The following MAF variants were observed in gnomAD, a reference collection of about 807,000 sequenced individuals.
MAF encodes the protein transcription factor Maf.
MAF carries 10 observed loss-of-function variants against 22.0 expected under a neutral mutation model. That is an observed-to-expected ratio of 0.45 (90% CI 0.28 to 0.77). The LOEUF is 0.77. Ranked by LOEUF, MAF falls within the 30% of genes least tolerant of loss-of-function variation. MAF has a pLI of 0.12. For missense variants in MAF, 544 were observed against 548.4 expected (o/e 0.99, Z 0.08); for synonymous variants, 337 against 255.8 (o/e 1.32, Z -3.03).
the MAF span, among the ~76,000 whole-genome samples, chr16:79,295,725 G>A: frequency 0.025 from 3,746 of 152,326 alleles, 148 homozygotes; most frequent in African/African-American, 0.085. Context: ...CTGGGCAGTG[G>A]CAGAGACCCT....
At chr16:79,228,051 GCAC>G in the MAF span, among the ~76,000 whole-genome samples, 2 of 151,950 alleles carry the variant, frequency 1.3e-5, no homozygotes, top group Non-Finnish European at 2.9e-5. Context: ...CTATAGGCAC[GCAC>G]CACCACACGC....
At chr16:79,286,600 A>G in the MAF span, among the ~76,000 whole-genome samples, 4 of 152,292 alleles carry the variant, frequency 2.6e-5, no homozygotes, top group Admixed American at 2.0e-4. Context: ...CACTTTTTTC[A>G]GCATAGGCAA....
chr16:79,364,310 T>A, the MAF span, among the ~76,000 whole-genome samples: 1 of 152,104 alleles, frequency 6.6e-6, no homozygotes, highest in Non-Finnish European at 1.5e-5. Flanking sequence ...ACAACAAAGT[T>A]GGGGGACCAA....
At chr16:79,310,016 G>T in the MAF span, among the ~76,000 whole-genome samples, 1 of 152,196 alleles carries the variant, frequency 6.6e-6, no homozygotes, top group African/African-American at 2.4e-5. Flanking sequence ...CACATGGCAA[G>T]CAGCGGTCAG....
At chr16:79,225,519 G>A in the MAF span, among the ~76,000 whole-genome samples, 1 of 152,170 alleles carries the variant, frequency 6.6e-6, no homozygotes. Context: ...AGCCAAAATT[G>A]AGAAATGGGA....
At chr16:79,547,904 G>GAGAGGGAGAGAC in the MAF span, among the ~76,000 whole-genome samples, 1 of 134,992 alleles carries the variant, frequency 7.4e-6, no homozygotes, top group South Asian at 2.7e-4. Context: ...GTGTGTGTGA[G>GAGAGGGAGAGAC]AGAGAGAGAG....
chr16:79,387,645 C>G, the MAF span, among the ~76,000 whole-genome samples: 1 of 152,068 alleles, frequency 6.6e-6, no homozygotes, highest in Non-Finnish European at 1.5e-5. Flanking sequence ...ATGAACTGTA[C>G]CTGCCTAGAC....
At chr16:79,463,994 A>G in the MAF span, among the ~76,000 whole-genome samples, 1 of 152,068 alleles carries the variant, frequency 6.6e-6, no homozygotes, top group African/African-American at 2.4e-5. Context: ...ACGGACGATA[A>G]AAAGGGCTTT....
the MAF span, among the ~76,000 whole-genome samples, chr16:79,214,572 A>C: frequency 1.3e-5 from 2 of 151,462 alleles, no homozygotes; most frequent in South Asian, 4.2e-4. Context: ...CACCTGGCTA[A>C]TTTTTCATAT....
the MAF span, among the ~76,000 whole-genome samples, chr16:79,431,774 G>A: frequency 5.2e-4 from 79 of 152,320 alleles, no homozygotes; most frequent in Non-Finnish European, 8.8e-4. Flanking sequence ...AGAGAAACAT[G>A]ATTTTCTGGT....
chr16:79,280,876 T>C, the MAF span, among the ~76,000 whole-genome samples: 1 of 152,228 alleles, frequency 6.6e-6, no homozygotes, highest in Admixed American at 6.5e-5. Flanking sequence ...GATTCCTTAT[T>C]GAGTATGAAT....
chr16:79,257,342 C>T, the MAF span, among the ~76,000 whole-genome samples: 2 of 152,120 alleles, frequency 1.3e-5, no homozygotes, highest in African/African-American at 2.4e-5. Flanking sequence ...TCTTTCTCTA[C>T]TAGCTTTGCT....
At chr16:79,337,661 T>C in the MAF span, among the ~76,000 whole-genome samples, 2 of 152,192 alleles carry the variant, frequency 1.3e-5, no homozygotes, top group African/African-American at 4.8e-5. Context: ...ATGTCAAACA[T>C]GATTGTTAGG....
rs886784298 is a variant in MAF, at chr16:79,600,082, C to A, written c.-180G>T. 46 of 713,548 alleles carry A rather than the reference C, an allele frequency of 6.4e-5. No individual in the cohort carries two copies. In the Admixed American group the frequency reaches 7.9e-4, roughly 12 times the overall value. The allele number at this position is 713,548 out of a possible 1,614,324, so 44.2% of individuals were successfully genotyped here. ...CGCGCTCACACACACACCCCCCCGC[C>A]CTGCCCGCGCCCCCCGCGCCCGCCC... is the stretch of plus-strand genomic sequence containing the variant. On this transcript the variant is annotated 5_prime_UTR_variant, in exon 1 of 2. Coordinates refer to ENST00000326043, the MANE Select transcript of MAF (RefSeq NM_005360.5).
At chr16:79,290,654 G>C in the MAF span, among the ~76,000 whole-genome samples, 1 of 152,206 alleles carries the variant, frequency 6.6e-6, no homozygotes, top group South Asian at 2.1e-4. Flanking sequence ...CATCCTGTTG[G>C]TCTATTACAT....
At chr16:79,397,442 C>T in the MAF span, among the ~76,000 whole-genome samples, 145 of 152,148 alleles carry the variant, frequency 9.5e-4, no homozygotes, top group Non-Finnish European at 1.9e-3. Flanking sequence ...TTCTACTGCT[C>T]ATATTTTTTT....
At chr16:79,257,864 A>T in the MAF span, among the ~76,000 whole-genome samples, 16 of 152,318 alleles carry the variant, frequency 1.1e-4, no homozygotes, top group African/African-American at 3.8e-4. Flanking sequence ...GCTATTTTTG[A>T]AAGGCATAGA....
chr16:79,248,253 T>A, the MAF span, among the ~76,000 whole-genome samples: 4 of 152,144 alleles, frequency 2.6e-5, no homozygotes, highest in South Asian at 8.3e-4. Flanking sequence ...TAGAATTAAA[T>A]GATCCTACCT....
At chr16:79,520,487 G>A in the MAF span, among the ~76,000 whole-genome samples, 313 of 150,352 alleles carry the variant, frequency 2.1e-3, 4 homozygotes, top group African/African-American at 7.3e-3. Flanking sequence ...GTGTGTGTGC[G>A]TGTGTGTGTG....
Sources: allele counts gnomAD v4.1 joint callset (sites outside exome capture counted in the v4.1 genomes callset), GRCh38; gene constraint gnomAD v4.1.1; transcripts MANE v1.5; gene names NCBI Gene and HGNC (gene_info 2026-07-23, HGNC 2026-07-21).